The following MNAT1 variants were observed in gnomAD, a reference collection of about 807,000 sequenced individuals.
MNAT1 encodes MNAT1 component of CDK activating kinase.
In MNAT1, 43 loss-of-function variants were observed where a neutral mutation model predicts 42.0. The observed-to-expected ratio is 1.02, with a 90% CI of 0.80 to 1.32. The LOEUF is 1.32. Ranked by LOEUF, MNAT1 falls within the 40% of genes most tolerant of loss-of-function variation. The probability of loss-of-function intolerance (pLI) is 0.00; values close to 1 mark genes in which losing one functional copy is unlikely to be tolerated. For synonymous variants in MNAT1, 118 were observed against 120.0 expected (o/e 0.98, Z 0.11); for missense variants, 306 against 350.4 (o/e 0.87, Z 1.01).
intron 6 of MNAT1, among the ~76,000 whole-genome samples, chr14:60,848,217 A>C (rs2139412540): frequency 6.6e-6 from 1 of 152,230 alleles, no homozygotes; most frequent in African/African-American, 2.4e-5. Flanking sequence ...AGCCGTTTGA[A>C]TATATCGTTC....
intron 1 of MNAT1, among the ~76,000 whole-genome samples, chr14:60,768,585 A>G (rs149564125): frequency 1.3e-5 from 2 of 152,344 alleles, no homozygotes; most frequent in East Asian, 3.9e-4. Context: ...GGTTTTAAAA[A>G]TTACTACTAC....
chr14:60,810,610 G>C (rs1285528589), intron 4 of MNAT1, among the ~76,000 whole-genome samples: 1 of 152,036 alleles, frequency 6.6e-6, no homozygotes, highest in East Asian at 1.9e-4. Flanking sequence ...ATGATTATTT[G>C]AGTGTATTGT....
chr14:60,755,820 A>T (rs972618869), intron 1 of MNAT1, among the ~76,000 whole-genome samples: 9 of 152,214 alleles, frequency 5.9e-5, no homozygotes, highest in African/African-American at 2.2e-4. Context: ...GTCCAATAAG[A>T]TGCTTGTCCT....
chr14:60,819,220 A>G (rs1191989561), intron 6 of MNAT1, among the ~76,000 whole-genome samples: 1 of 152,088 alleles, frequency 6.6e-6, no homozygotes, highest in South Asian at 2.1e-4. Flanking sequence ...TTCTTCACAT[A>G]TATATTTTTA....
chr14:60,817,147 A>G (rs2032740572), intron 5 of MNAT1, among the ~76,000 whole-genome samples: 1 of 151,852 alleles, frequency 6.6e-6, no homozygotes, highest in Admixed American at 6.6e-5. Flanking sequence ...TTCTTTTGTT[A>G]GTTTCTACAT....
At chr14:60,835,597 T>C (rs1256256278) in intron 6 of MNAT1, among the ~76,000 whole-genome samples, 1 of 152,246 alleles carries the variant, frequency 6.6e-6, no homozygotes, top group African/African-American at 2.4e-5. Context: ...GTAGGGTTTC[T>C]GCAGAGATCC....
chr14:60,873,391 G>A (rs1451505379), intron 6 of MNAT1, among the ~76,000 whole-genome samples: 1 of 151,994 alleles, frequency 6.6e-6, no homozygotes, highest in African/African-American at 2.4e-5. Flanking sequence ...TCAGAAAATA[G>A]TGCAACAAAG....
chr14:60,886,073 T>G (rs925195180), intron 7 of MNAT1, among the ~76,000 whole-genome samples: 8 of 152,198 alleles, frequency 5.3e-5, no homozygotes, highest in Admixed American at 2.6e-4. Context: ...TGACTGCAGA[T>G]GTTTGGGTTT....
rs148297583 is a variant in MNAT1 at position 60,842,827 on chromosome 14, A to T, written c.687+23980A>T. On this transcript the variant is annotated intron_variant, in intron 6 of 7. Transcript: ENST00000261245. ...CCTAACCTGCTGAACATCATAATTTAGTATAGGCTTCCTTAATACAAGTAC... is the reference window on the plus strand; with the variant it reads ...CCTAACCTGCTGAACATCATAATTTTGTATAGGCTTCCTTAATACAAGTAC... 2.0e-3 allele frequency among the ~76,000 whole-genome samples: 300 copies of T among 152,308 alleles called. 1 individual carries two copies. The highest frequency in any genetic ancestry group is 6.4e-3 in the African/African-American group (266 of 41,572).
In MNAT1 at chr14:60,858,415, TG is replaced by T. The variant is rs1157639014; in HGVS notation, c.688-21295del. On this transcript the variant is annotated intron_variant, in intron 6 of 7. Transcript: ENST00000261245. The stretch of plus-strand genomic sequence containing the variant: ...TTCTTATCCTTTGCCCACTTTTTGA[TG>T]GGGTTTTTTTTTTTTTTATAAATTT... Among the ~76,000 whole-genome samples the T allele has an allele frequency of 2.3e-3, 341 of 150,348 alleles. 3 individuals carry two copies. Among genetic ancestry groups the T allele is most frequent in the African/African-American group, 7.9e-3 (326 of 41,214 alleles).
In MNAT1 at chr14:60,968,371, T is replaced by TG. The variant is rs752245409; in HGVS notation, c.*24dup. ...TTAACCATTTATAAGATTTGGACCT[T>TG]GGAGCTGAACCAGGGAGCTAGCAAA... On this transcript the variant is annotated 3_prime_UTR_variant, in exon 8 of 8. Transcript: ENST00000261245. 1.4e-5 allele frequency: 23 copies of TG among 1,603,210 alleles called. No individual in the cohort carries two copies. The highest frequency in any genetic ancestry group is 1.8e-5 in the Non-Finnish European group (21 of 1,176,550).
chr14:60,819,369 T>G (rs1394502358), intron 6 of MNAT1, among the ~76,000 whole-genome samples: 6 of 151,820 alleles, frequency 4.0e-5, no homozygotes, highest in African/African-American at 1.4e-4. Flanking sequence ...GCCAATGATG[T>G]TTTTGTATAC....
At chr14:60,930,182 A>C (rs2139568078) in intron 7 of MNAT1, among the ~76,000 whole-genome samples, 1 of 148,302 alleles carries the variant, frequency 6.7e-6, no homozygotes, top group South Asian at 2.1e-4. Context: ...CGAGATCTTT[A>C]TTACTAAAGA....
At chr14:60,960,429 G>A (rs1207933919) in intron 7 of MNAT1, among the ~76,000 whole-genome samples, 1 of 151,834 alleles carries the variant, frequency 6.6e-6, no homozygotes, top group Non-Finnish European at 1.5e-5. Flanking sequence ...TTATTTTTAT[G>A]GTTTCAAATA....
chr14:60,910,307 G>A (rs559545412), intron 7 of MNAT1, among the ~76,000 whole-genome samples: 6 of 152,208 alleles, frequency 3.9e-5, no homozygotes, highest in African/African-American at 1.4e-4. Flanking sequence ...CTAATTGAAT[G>A]CCTTTTATTT....
At chr14:60,764,170 T>C (rs1270813830) in intron 1 of MNAT1, among the ~76,000 whole-genome samples, 2 of 152,078 alleles carry the variant, frequency 1.3e-5, no homozygotes, top group Non-Finnish European at 2.9e-5. Context: ...TATTTGTTAG[T>C]GGTATGATAT....
intron 7 of MNAT1, among the ~76,000 whole-genome samples, chr14:60,957,843 GT>G (rs1256145589): frequency 2.7e-5 from 4 of 147,776 alleles, no homozygotes; most frequent in East Asian, 2.0e-4. Flanking sequence ...ATACTTTGAT[GT>G]TTTTTTTTTG....
At chr14:60,785,067 G>T (rs1015112228) in intron 1 of MNAT1, among the ~76,000 whole-genome samples, 3 of 152,014 alleles carry the variant, frequency 2.0e-5, no homozygotes, top group Admixed American at 6.6e-5. Flanking sequence ...TGGACAGGCT[G>T]GTCTCAAACC....
intron 7 of MNAT1, among the ~76,000 whole-genome samples, chr14:60,890,376 T>G (rs2034809004): frequency 6.6e-6 from 1 of 152,198 alleles, no homozygotes; most frequent in Non-Finnish European, 1.5e-5. Context: ...TTTAGTTTTC[T>G]TGTAGTCTCT....
Sources: gnomAD v4.1 joint callset for allele counts (sites outside exome capture counted in the v4.1 genomes callset) on GRCh38, gnomAD v4.1.1 for gene constraint, MANE v1.5 for transcripts, NCBI Gene and HGNC (gene_info 2026-07-23, HGNC 2026-07-21) for gene names.